The following NR5A2 variants were observed in gnomAD, a reference collection of about 807,000 sequenced individuals.
The protein encoded by NR5A2 is nuclear receptor subfamily 5 group A member 2.
In NR5A2, 26 loss-of-function variants were observed where a neutral mutation model predicts 62.7. The observed-to-expected ratio is 0.41, with a 90% CI of 0.30 to 0.58. The LOEUF is 0.58. Ranked by LOEUF, NR5A2 falls within the 20% of genes least tolerant of loss-of-function variation. NR5A2 has a pLI of 0.22. For synonymous variants in NR5A2, 246 were observed against 241.7 expected, an observed-to-expected ratio of 1.02 and a Z score of -0.16; for missense variants, 541 against 669.1, an observed-to-expected ratio of 0.81 and a Z score of 2.11.
At chr1:200,085,706 C>G (rs928602161) in intron 5 of NR5A2, among the ~76,000 whole-genome samples, 37 of 151,918 alleles carry the variant, frequency 2.4e-4, no homozygotes, top group African/African-American at 8.7e-4. Flanking sequence ...GGTCTCTACC[C>G]TTAAAGAGGG....
At chr1:200,169,545 A>G (rs1024597414) in intron 7 of NR5A2, among the ~76,000 whole-genome samples, 4 of 152,210 alleles carry the variant, frequency 2.6e-5, no homozygotes, top group Non-Finnish European at 5.9e-5. Flanking sequence ...TCAGTACTAT[A>G]ATATATTCAA....
intron 6 of NR5A2, among the ~76,000 whole-genome samples, chr1:200,119,583 A>G (rs1666389268): frequency 6.6e-6 from 1 of 152,184 alleles, no homozygotes; most frequent in East Asian, 1.9e-4. Flanking sequence ...CTTGTTATAA[A>G]TTGAACTTCT....
At chr1:200,060,748 A>G (rs1370076570) in intron 5 of NR5A2, among the ~76,000 whole-genome samples, 1 of 152,122 alleles carries the variant, frequency 6.6e-6, no homozygotes, top group African/African-American at 2.4e-5. Flanking sequence ...CTACCAGGAC[A>G]AATTCTATGA....
intron 7 of NR5A2, among the ~76,000 whole-genome samples, chr1:200,150,097 T>C (rs1319837415): frequency 6.6e-6 from 1 of 152,202 alleles, no homozygotes; most frequent in Non-Finnish European, 1.5e-5. Context: ...CATTAATTGC[T>C]TAGAAGCCAA....
intron 5 of NR5A2, among the ~76,000 whole-genome samples, chr1:200,102,315 G>T (rs1038275152): frequency 6.6e-6 from 1 of 152,194 alleles, no homozygotes; most frequent in Admixed American, 6.5e-5. Flanking sequence ...ACTTGTCATG[G>T]TTGTGAATGC....
chr1:200,048,844 C>T lies in NR5A2; in HGVS notation c.1110+26C>T, dbSNP rs759713999. On this transcript the variant is annotated intron_variant, in intron 5 of 7. Transcript: ENST00000367362. The surrounding 1 kb of genome is among the most constrained non-coding windows in gnomAD (Gnocchi z 4.8). ...GTATGCCACCAGCTATTACAACTTA[C>T]AGCACCCCTTTTAAGAGAGACCTAA... is the stretch of plus-strand genomic sequence containing the variant. 4 of 1,609,626 alleles carry T rather than the reference C, an allele frequency of 2.5e-6. No homozygotes were observed. In the Admixed American group the frequency reaches 5.0e-5, roughly 20 times the overall value.
rs561967084 is a variant in NR5A2 at position 200,169,842 on chromosome 1, T to C, written c.1379-4121T>C. 1.1e-4 allele frequency among the ~76,000 whole-genome samples: 16 copies of C among 152,360 alleles called. 1 individual carries two copies. In the East Asian group the frequency reaches 3.1e-3, roughly 29 times the overall value. On this transcript the variant is annotated intron_variant, in intron 7 of 7. Coordinates refer to ENST00000367362, the MANE Select transcript of NR5A2 (RefSeq NM_205860.3). ...TTTATTAACTGGTGTTTTTAAATTG[T>C]ATGAAAATGAAGCTTATATAAATTT...
intron 1 of NR5A2, 136 bp downstream of exon 1, chr1:200,028,047 G>A (rs1357315463): frequency 7.7e-6 from 4 of 520,234 alleles, no homozygotes; most frequent in Non-Finnish European, 1.0e-5. Flanking sequence ...ATAAGCCTAT[G>A]TATATATATC....
chr1:200,142,890 T>A (rs1667508959), intron 7 of NR5A2, among the ~76,000 whole-genome samples: 1 of 152,232 alleles, frequency 6.6e-6, no homozygotes, highest in Admixed American at 6.5e-5. Context: ...TCTATTTCTC[T>A]CTTAAACACC....
intron 2 of NR5A2, among the ~76,000 whole-genome samples, chr1:200,042,623 C>T (rs938581816): frequency 2.0e-5 from 3 of 152,242 alleles, no homozygotes; most frequent in Non-Finnish European, 4.4e-5. Flanking sequence ...GGAGGTAGAG[C>T]CTAGGCGAGA....
At chr1:200,078,962 C>T (rs1159572568) in intron 5 of NR5A2, among the ~76,000 whole-genome samples, 2 of 152,146 alleles carry the variant, frequency 1.3e-5, no homozygotes, top group Non-Finnish European at 2.9e-5. Context: ...ATTAATTTCT[C>T]TGTATTAAAG....
chr1:200,111,611 C>A (rs557787620), intron 6 of NR5A2, among the ~76,000 whole-genome samples: 2 of 152,296 alleles, frequency 1.3e-5, no homozygotes, highest in South Asian at 2.1e-4. Flanking sequence ...TGATTAGTAC[C>A]CAGGTTTTCT....
At chr1:200,099,509 C>A (rs997888192) in intron 5 of NR5A2, among the ~76,000 whole-genome samples, 1 of 152,142 alleles carries the variant, frequency 6.6e-6, no homozygotes, top group Non-Finnish European at 1.5e-5. Context: ...ATTTTACAAG[C>A]TGGAGGGCAA....
intron 7 of NR5A2, chr1:200,148,161 AC>A: frequency 2.7e-6 from 1 of 370,804 alleles, no homozygotes; most frequent in Non-Finnish European, 4.3e-6. Flanking sequence ...CAAGAGGAAG[AC>A]CAGATTGTAG....
rs996729603 is a variant in NR5A2, at chr1:200,175,055, G to A, written c.*845G>A. 1 of 152,654 alleles carries A rather than the reference G, an allele frequency of 6.6e-6. No homozygotes were observed. The highest frequency in any genetic ancestry group is 1.5e-5 in the Non-Finnish European group (1 of 68,044). 9.5% of individuals were successfully genotyped at this position (152,654 alleles called of 1,614,324 possible). ...TTATTTCTGCTACTGTTGCTGAAAT[G>A]TGGCTTTGGCATTGTTGGATTTCAT... On this transcript the variant is annotated 3_prime_UTR_variant, in exon 8 of 8. Coordinates refer to ENST00000367362, the MANE Select transcript of NR5A2 (RefSeq NM_205860.3).
At position 200,095,677 on chromosome 1, in the gene NR5A2, C is replaced by T. The variant is rs556452521; in HGVS notation, c.1111-15525C>T. On this transcript the variant is annotated intron_variant, in intron 5 of 7. Transcript: ENST00000367362. ...ACGCCATCCTCCTGCCTCAGCCTCC[C>T]GAGTAGCTGGGACTACAGGCACCCG... Among the ~76,000 whole-genome samples, 12 of 151,542 alleles carry T rather than the reference C, an allele frequency of 7.9e-5. No individual in the cohort carries two copies. In the South Asian group the frequency reaches 8.4e-4, roughly 11 times the overall value.
At position 200,147,428 on chromosome 1, in the gene NR5A2, C is replaced by G; in HGVS notation, c.1378+26473C>G. ...TCTGGGCGAGATGCAGGCAGCTTAT[C>G]TGTTTATGGGGCTGCCTCCTCCAGT... On this transcript the variant is annotated intron_variant, in intron 7 of 7. Transcript: ENST00000367362. The surrounding 1 kb of genome is among the most constrained non-coding windows in gnomAD (Gnocchi z 4.9). 1 of 486,126 alleles carries G rather than the reference C, an allele frequency of 2.1e-6. No homozygotes were observed. Among genetic ancestry groups the G allele is most frequent in the South Asian group, 1.7e-5 (1 of 58,830 alleles). The allele number at this position is 486,126 out of a possible 1,614,324, so 30.1% of individuals were successfully genotyped here.
chr1:200,094,984 C>G (rs915474177), intron 5 of NR5A2, among the ~76,000 whole-genome samples: 1 of 152,042 alleles, frequency 6.6e-6, no homozygotes, highest in Admixed American at 6.5e-5. Flanking sequence ...TTAAACATAA[C>G]AAGAAGACTG....
intron 5 of NR5A2, among the ~76,000 whole-genome samples, chr1:200,093,755 A>AT (rs1189748424): frequency 6.6e-6 from 1 of 152,192 alleles, no homozygotes; most frequent in Non-Finnish European, 1.5e-5. Context: ...TTTAAGTCAA[A>AT]TTTTGCCTCG....
Sources: gnomAD v4.1 joint callset for allele counts (sites outside exome capture counted in the v4.1 genomes callset) on GRCh38, gnomAD v4.1.1 for gene constraint, Gnocchi (gnomAD v3.1) non-coding constraint, MANE v1.5 for transcripts, NCBI Gene and HGNC (gene_info 2026-07-23, HGNC 2026-07-21) for gene names.